The following LECT2 variants were observed in gnomAD, a reference collection of about 807,000 sequenced individuals.
LECT2 encodes the protein leukocyte cell-derived chemotaxin-2.
A neutral mutation model predicts 16.6 loss-of-function variants in LECT2; 11 were observed. That is an observed-to-expected ratio of 0.66 (90% CI 0.42 to 1.09). The LOEUF (loss-of-function observed/expected upper bound fraction) is 1.09, where lower values mean the gene tolerates loss of function less well. LECT2 is among the 50% of genes least tolerant of loss of function. The pLI is 0.00. For synonymous variants in LECT2, 54 were observed against 64.8 expected, an observed-to-expected ratio of 0.83 and a Z score of 0.80; for missense variants, 173 against 184.2, an observed-to-expected ratio of 0.94 and a Z score of 0.35.
chr5:135,948,022 C>T (rs1196391625), intron 3 of LECT2, among the ~76,000 whole-genome samples: 1 of 151,996 alleles, frequency 6.6e-6, no homozygotes, highest in Admixed American at 6.6e-5. Context: ...AAAAGCAAAC[C>T]CCAATTGAAT....
At chr5:135,951,030 A>C (rs1381590707) in intron 3 of LECT2, 193 bp downstream of exon 3, 11 of 601,250 alleles carry the variant, frequency 1.8e-5, no homozygotes, top group Non-Finnish European at 2.6e-5. Context: ...AAATGTGCAC[A>C]TGTACCCCTG....
chr5:135,948,250 C>A (rs971924239), intron 3 of LECT2, among the ~76,000 whole-genome samples: 3 of 152,184 alleles, frequency 2.0e-5, no homozygotes, highest in African/African-American at 4.8e-5. Flanking sequence ...ATAACAGTTA[C>A]AACTATCCAT....
At chr5:135,949,339 AAAG>A (rs1237664432) in intron 3 of LECT2, among the ~76,000 whole-genome samples, 1 of 152,240 alleles carries the variant, frequency 6.6e-6, no homozygotes, top group African/African-American at 2.4e-5. Context: ...AGGCAGTCTG[AAAG>A]AAGAAGAAAG....
chr5:135,954,603 A>G (rs961984612), intron 1 of LECT2, among the ~76,000 whole-genome samples, 185 bp downstream of exon 1: 8 of 152,198 alleles, frequency 5.3e-5, no homozygotes, highest in Non-Finnish European at 1.0e-4. Context: ...AAGAACCGGA[A>G]CATTCCATTT....
chr5:135,950,532 T>G (rs1408275400), intron 3 of LECT2, among the ~76,000 whole-genome samples: 1 of 152,252 alleles, frequency 6.6e-6, no homozygotes, highest in Non-Finnish European at 1.5e-5. Flanking sequence ...GTTCACTTTT[T>G]GAAATTCACG....
At chr5:135,952,817 A>T (rs1763813612) in intron 2 of LECT2, 54 bp downstream of exon 2, 1 of 1,333,150 alleles carries the variant, frequency 7.5e-7, no homozygotes, top group Admixed American at 1.7e-5. Context: ...CAAGGACACT[A>T]AGAAAAGAGG....
chr5:135,947,097 A>G lies in LECT2; in HGVS notation c.*234T>C, dbSNP rs1325037752. 3.0e-6 allele frequency: 1 copy of G among 337,370 alleles called. No individual in the cohort carries two copies. The highest frequency in any genetic ancestry group is 5.3e-6 in the Non-Finnish European group (1 of 187,756). The allele number at this position is 337,370 out of a possible 1,614,324, so 20.9% of individuals were successfully genotyped here. On this transcript the variant is annotated 3_prime_UTR_variant, in exon 4 of 4. Coordinates refer to ENST00000274507, the MANE Select transcript of LECT2 (RefSeq NM_002302.3). Reference sequence around the variant, plus strand: ...TTATCATGTTTCTATTTAAACTCAAATTTCCTTTTTTTAATTAAAAAATTT... The same window carrying G: ...TTATCATGTTTCTATTTAAACTCAAGTTTCCTTTTTTTAATTAAAAAATTT...
In LECT2 at chr5:135,952,852, T is replaced by G; in HGVS notation, c.143+19A>C. ...GTTAGGGACCAAAGGGTTGGGTGGG[T>G]GGTTGTGCAACTTCATACCTTTGAG... On this transcript the variant is annotated intron_variant, in intron 2 of 3. Coordinates refer to ENST00000274507, the MANE Select transcript of LECT2 (RefSeq NM_002302.3). 1 of 1,574,022 alleles carries G rather than the reference T, an allele frequency of 6.4e-7. No homozygotes were observed. Among genetic ancestry groups the G allele is most frequent in the South Asian group, 1.1e-5 (1 of 90,178 alleles).
intron 1 of LECT2, among the ~76,000 whole-genome samples, chr5:135,953,774 T>G (rs1334335301): frequency 6.6e-6 from 1 of 152,198 alleles, no homozygotes; most frequent in South Asian, 2.1e-4. Context: ...TGTTTAACAC[T>G]AGATAAATCT....
At chr5:135,953,229 G>A (rs1429381727) in intron 1 of LECT2, 1 of 352,786 alleles carries the variant, frequency 2.8e-6, no homozygotes, top group Admixed American at 4.5e-5. Flanking sequence ...TTGGATCGGA[G>A]TCTCACTCTG....
intron 3 of LECT2, among the ~76,000 whole-genome samples, chr5:135,950,316 C>T (rs1261236007): frequency 6.6e-6 from 1 of 152,068 alleles, no homozygotes; most frequent in Non-Finnish European, 1.5e-5. Context: ...TGCATAATCA[C>T]GATGTGGAAT....
At position 135,952,982 on chromosome 5, in the gene LECT2, A is replaced by G. The variant is rs371241127; in HGVS notation, c.47-15T>C. 1.9e-6 allele frequency: 3 copies of G among 1,575,542 alleles called. No individual in the cohort carries two copies. The highest frequency in any genetic ancestry group is 2.6e-6 in the Non-Finnish European group (3 of 1,144,856). On this transcript the variant is annotated splice_polypyrimidine_tract_variant and intron_variant, in intron 1 of 3. Coordinates refer to ENST00000274507, the MANE Select transcript of LECT2 (RefSeq NM_002302.3). ...CCCTGCCAGTGCTAAAAAGGAGAAA[A>G]GTGAGAGCAGAGCTCCTGGCCTCAG...
chr5:135,951,384 G>A lies in LECT2; in HGVS notation c.144-16C>T. The stretch of plus-strand genomic sequence containing the variant: ...CCTCTGACTTCTAGGATGTAAATAA[G>A]AACGAACAGACTGAGGAACTGCCTT... On this transcript the variant is annotated splice_polypyrimidine_tract_variant and intron_variant, in intron 2 of 3. Coordinates refer to ENST00000274507, the MANE Select transcript of LECT2 (RefSeq NM_002302.3). The A allele has an allele frequency of 6.2e-7, 1 of 1,610,444 alleles. No individual in the cohort carries two copies. Among genetic ancestry groups the A allele is most frequent in the Non-Finnish European group, 8.5e-7 (1 of 1,177,738 alleles).
chr5:135,953,676 A>G (rs536810781), intron 1 of LECT2, among the ~76,000 whole-genome samples: 1 of 152,352 alleles, frequency 6.6e-6, no homozygotes, highest in Non-Finnish European at 1.5e-5. Flanking sequence ...AATTTTAGAA[A>G]TTGTAATTTT....
intron 3 of LECT2, among the ~76,000 whole-genome samples, chr5:135,947,713 A>T (rs1472545918): frequency 1.3e-5 from 2 of 152,230 alleles, no homozygotes; most frequent in African/African-American, 4.8e-5. Flanking sequence ...AAGGCATTGA[A>T]GAATAATAGC....
At chr5:135,953,455 C>T (rs978800739) in intron 1 of LECT2, among the ~76,000 whole-genome samples, 6 of 152,182 alleles carry the variant, frequency 3.9e-5, no homozygotes, top group Admixed American at 1.3e-4. Context: ...CTGCCTCAGC[C>T]TCCCAAAGTG....
chr5:135,953,164 C>T, intron 1 of LECT2, 197 bp from the exon 2 acceptor site: 1 of 547,816 alleles, frequency 1.8e-6, no homozygotes, highest in Non-Finnish European at 3.3e-6. Context: ...TTTCCCTGGC[C>T]ACAGAATTCT....
At chr5:135,953,194 T>C in intron 1 of LECT2, 2 of 486,178 alleles carry the variant, frequency 4.1e-6, no homozygotes, top group Non-Finnish European at 7.3e-6. Context: ...CGTTAGAGTA[T>C]CAGTGAATAC....
intron 3 of LECT2, among the ~76,000 whole-genome samples, chr5:135,948,461 A>C (rs970547759): frequency 6.6e-6 from 1 of 152,140 alleles, no homozygotes; most frequent in Admixed American, 6.5e-5. Flanking sequence ...CAGCACTTGA[A>C]AGGTAGTTAA....
Sources: allele counts gnomAD v4.1 joint callset (sites outside exome capture counted in the v4.1 genomes callset), GRCh38; gene constraint gnomAD v4.1.1; transcripts MANE v1.5; gene names NCBI Gene and HGNC (gene_info 2026-07-23, HGNC 2026-07-21).